The following KLHL23 variants were observed in gnomAD, a reference collection of about 807,000 sequenced individuals.
KLHL23 encodes the protein kelch-like protein 23.
KLHL23 carries 33 observed loss-of-function variants against 48.9 expected under a neutral mutation model. The observed-to-expected ratio is 0.67, with a 90% CI of 0.51 to 0.90. The LOEUF is 0.90. Among genes scored for constraint, KLHL23 ranks in the 40% least tolerant of loss-of-function variants. The pLI, the probability that KLHL23 is intolerant of heterozygous loss-of-function variation, is 0.00. For missense variants in KLHL23, 608 were observed against 669.6 expected (o/e 0.91, Z 1.02); for synonymous variants, 234 against 231.6 (o/e 1.01, Z -0.09).
intron 3 of KLHL23, among the ~76,000 whole-genome samples, chr2:169,745,439 G>A (rs1688772752): frequency 1.3e-5 from 2 of 149,110 alleles, no homozygotes; most frequent in South Asian, 4.2e-4. Flanking sequence ...TGTGAACCCG[G>A]GAGGCAGAGC....
At chr2:169,740,041 G>A (rs960080313) in intron 2 of KLHL23, among the ~76,000 whole-genome samples, 21 of 152,232 alleles carry the variant, frequency 1.4e-4, no homozygotes, top group Non-Finnish European at 2.6e-4. Flanking sequence ...AGGACTGGAA[G>A]TTGTTCTGGT....
Position 169,749,991 on chromosome 2 carries a change from GTATACATATATGTGTATATATA to G in KLHL23, c.*260_*281del. The G allele has an allele frequency of 1.1e-5, 2 of 177,458 alleles. No individual in the cohort carries two copies. The highest frequency in any genetic ancestry group is 3.1e-5 in the African/African-American group (1 of 32,674). The allele number at this position is 177,458 out of a possible 1,614,324, so 11.0% of individuals were successfully genotyped here. A position where few individuals can be genotyped will look rare whatever the true frequency, so the allele number is the denominator to read the frequency against. ...CATATATATGTGTATATATACGTATGTATACATATATGTGTATATATACGTATGTATGTATACATATGTGTAT... is the reference window on the plus strand; with the variant it reads ...CATATATATGTGTATATATACGTATGCGTATGTATGTATACATATGTGTAT... On this transcript the variant is annotated 3_prime_UTR_variant, in exon 4 of 4. Transcript: ENST00000392647.
chr2:169,746,424 C>T (rs1688794907), intron 3 of KLHL23, among the ~76,000 whole-genome samples: 3 of 152,190 alleles, frequency 2.0e-5, no homozygotes, highest in African/African-American at 7.2e-5. Context: ...TTTTATACTT[C>T]TGTGTAAACT....
rs370451096 is a variant in KLHL23 at position 169,736,230 on chromosome 2, A to G, written c.1213+3A>G. On this transcript the variant is annotated splice_donor_region_variant and intron_variant, in intron 2 of 3. Coordinates refer to ENST00000392647, the MANE Select transcript of KLHL23 (RefSeq NM_144711.6). Reference sequence around the variant, plus strand: ...TCCTATTGCAAACATGATTAAAGGTAAGTGGAGATTATGTTTATTTTGTAT... The same window carrying G: ...TCCTATTGCAAACATGATTAAAGGTGAGTGGAGATTATGTTTATTTTGTAT... 2.6e-4 allele frequency: 411 copies of G among 1,595,030 alleles called. No individual in the cohort carries two copies. Among genetic ancestry groups the G allele is most frequent in the Non-Finnish European group, 3.3e-4 (386 of 1,171,706 alleles).
rs1249471665 is a variant in KLHL23, at chr2:169,749,932, C to CATATATATATATATATATATATAT, written c.*201_*202insTATATATATATATATATATATATA. On this transcript the variant is annotated 3_prime_UTR_variant, in exon 4 of 4. Transcript: ENST00000392647. ...AAAATCTTATATATATATATATATA[C>CATATATATATATATATATATATAT]ACACACACATATATGTGTTCATATA... The CATATATATATATATATATATATAT allele has an allele frequency of 4.3e-5, 3 of 70,370 alleles. No individual in the cohort carries two copies. The highest frequency in any genetic ancestry group is 2.4e-4 in the African/African-American group (3 of 12,380). 4.4% of individuals were successfully genotyped at this position (70,370 alleles called of 1,614,324 possible). A position where few individuals can be genotyped will look rare whatever the true frequency, so the allele number is the denominator to read the frequency against.
rs1488831221 is a variant in KLHL23 at position 169,735,304 on chromosome 2, C to G, written c.290C>G (p.Thr97Ser). The G allele has an allele frequency of 6.2e-7, 1 of 1,613,568 alleles. No homozygotes were observed. Among genetic ancestry groups the G allele is most frequent in the Non-Finnish European group, 8.5e-7 (1 of 1,179,938 alleles). ...ILEGLVNYAY[T>S]SQIEITKRNV... is the part of the protein sequence containing the mutation. ...GAAGGCCTTGTAAATTATGCATACACTTCCCAAATTGAAATAACTAAAAGA... is the reference window on the plus strand; with the variant it reads ...GAAGGCCTTGTAAATTATGCATACAGTTCCCAAATTGAAATAACTAAAAGA... The change falls in exon 2 of 4, where the codon ACT becomes AGT. Residue 97 changes from threonine to serine, a missense_variant. Physicochemically the swap from Thr to Ser is moderately conservative, Grantham distance 58. Coordinates refer to ENST00000392647, the MANE Select transcript of KLHL23 (RefSeq NM_144711.6). The surrounding 1 kb of genome is among the most constrained non-coding windows in gnomAD (Gnocchi z 4.5).
chr2:169,749,682 C>A lies in KLHL23; in HGVS notation c.1627C>A (p.Leu543Ile), dbSNP rs771743270. 1 of 1,613,376 alleles carries A rather than the reference C, an allele frequency of 6.2e-7. No homozygotes were observed. Among genetic ancestry groups the A allele is most frequent in the Admixed American group, 1.7e-5 (1 of 59,994 alleles). ...DLNKWEIVGN[L>I]PSAMRSHGCV... ...TAATAAGTGGGAAATAGTGGGTAAT[C>A]TTCCCAGTGCCATGCGGTCTCATGG... Residue 543 changes from leucine to isoleucine, a missense_variant, in exon 4 of 4, where the codon CTT becomes ATT. Physicochemically the swap from Leu to Ile is conservative, Grantham distance 5. Transcript: ENST00000392647.
At chr2:169,745,539 A>AAG (rs1688778024) in intron 3 of KLHL23, among the ~76,000 whole-genome samples, 2 of 149,604 alleles carry the variant, frequency 1.3e-5, no homozygotes, top group South Asian at 2.1e-4. Context: ...AAAAAAAAAA[A>AAG]GGAAGAGAAC....
At position 169,750,050 on chromosome 2, in the gene KLHL23, A is replaced by ATACATATATGTGTATATATACGTTTGTG. The variant is rs1473551954; in HGVS notation, c.*319_*320insACATATATGTGTATATATACGTTTGTGT. Reference sequence around the variant, plus strand: ...ATACATATGTGTATATATAGTATGTATGTATACATGTATGTGTATATATAC... The same window carrying ATACATATATGTGTATATATACGTTTGTG: ...ATACATATGTGTATATATAGTATGTATACATATATGTGTATATATACGTTTGTGTGTATACATGTATGTGTATATATAC... On this transcript the variant is annotated 3_prime_UTR_variant, in exon 4 of 4. Coordinates refer to ENST00000392647, the MANE Select transcript of KLHL23 (RefSeq NM_144711.6). 1 of 141,104 alleles carries ATACATATATGTGTATATATACGTTTGTG rather than the reference A, an allele frequency of 7.1e-6. No homozygotes were observed. Among genetic ancestry groups the ATACATATATGTGTATATATACGTTTGTG allele is most frequent in the African/African-American group, 2.6e-5 (1 of 37,882 alleles). 8.7% of individuals were successfully genotyped at this position (141,104 alleles called of 1,614,324 possible).
intron 1 of KLHL23, among the ~76,000 whole-genome samples, chr2:169,734,532 G>T (rs1258371513): frequency 6.6e-6 from 1 of 152,208 alleles, no homozygotes; most frequent in Non-Finnish European, 1.5e-5. Context: ...AAGGGCTCGG[G>T]ATTTCCCTTT....
At chr2:169,742,890 A>G (rs1392085764) in intron 3 of KLHL23, among the ~76,000 whole-genome samples, 2 of 152,258 alleles carry the variant, frequency 1.3e-5, no homozygotes, top group Admixed American at 1.3e-4. Flanking sequence ...AGTGTGTGGC[A>G]GGCACAAACT....
chr2:169,735,588 C>A lies in KLHL23; in HGVS notation c.574C>A (p.Leu192Ile). The change falls in exon 2 of 4, where the codon CTC becomes ATC. Residue 192 changes from leucine (L) to isoleucine (I), a missense_variant. By Grantham distance (5) the Leu-to-Ile change is conservative. Transcript: ENST00000392647. This position sits in a 1 kb window ranked among gnomAD's most constrained non-coding sequence, Gnocchi z 4.5. ...TCTCTTTATCTTGTCCAGAAAGAATCTCAGTGTTTGGAAAGAAGAAGCTAT... is the reference window on the plus strand; with the variant it reads ...TCTCTTTATCTTGTCCAGAAAGAATATCAGTGTTTGGAAAGAAGAAGCTAT... ...KFLFILSRKN[L>I]SVWKEEAIIE... 6.2e-7 allele frequency: 1 copy of A among 1,613,846 alleles called. No homozygotes were observed. The highest frequency in any genetic ancestry group is 1.6e-4 in the Middle Eastern group (1 of 6,062).
chr2:169,741,307 A>T (rs2105649575), intron 2 of KLHL23, 78 bp from the exon 3 acceptor site: 1 of 1,521,176 alleles, frequency 6.6e-7, no homozygotes, highest in South Asian at 1.3e-5. Context: ...AACAAAAACA[A>T]CAATAAATTT....
At chr2:169,748,406 C>T (rs372427654) in intron 3 of KLHL23, among the ~76,000 whole-genome samples, 1 of 152,178 alleles carries the variant, frequency 6.6e-6, no homozygotes, top group African/African-American at 2.4e-5. Flanking sequence ...TCCTCCTCTT[C>T]CTTTGGGGCT....
Position 169,735,355 on chromosome 2 carries a change from C to T in KLHL23, c.341C>T (p.Ala114Val), listed in dbSNP as rs752643631. 6 of 1,612,572 alleles carry T rather than the reference C, an allele frequency of 3.7e-6. No homozygotes were observed. The South Asian group carries it at 5.5e-5, about 15-fold the overall frequency. Residue 114 changes from alanine to valine, a missense_variant, in exon 2 of 4, where the codon GCG (alanine) becomes GTG (valine). Ala to Val is a moderately conservative substitution (Grantham distance 64, BLOSUM62 0). This residue lies in a region of KLHL23 where 419 missense variants were observed against 473.1 expected (regional missense o/e 0.89). Coordinates refer to ENST00000392647, the MANE Select transcript of KLHL23 (RefSeq NM_144711.6). The surrounding 1 kb of genome is among the most constrained non-coding windows in gnomAD (Gnocchi z 4.5). ...AATGTTCAAAGCCTGCTTGAGGCAGCGGATCTGCTACAGTTCCTTTCAGTA... is the reference window on the plus strand; with the variant it reads ...AATGTTCAAAGCCTGCTTGAGGCAGTGGATCTGCTACAGTTCCTTTCAGTA... ...KRNVQSLLEA[A>V]DLLQFLSVKK...
Position 169,738,266 on chromosome 2 carries a change from A to G in KLHL23, c.1213+2039A>G, listed in dbSNP as rs545503486. Among the ~76,000 whole-genome samples the G allele has an allele frequency of 4.1e-5, 6 of 146,322 alleles. No homozygotes were observed. The South Asian group carries it at 1.1e-3, about 26-fold the overall frequency. On this transcript the variant is annotated intron_variant, in intron 2 of 3. Coordinates refer to ENST00000392647, the MANE Select transcript of KLHL23 (RefSeq NM_144711.6). ...TTTTTTAAACAATTTTTAAAATTTT[A>G]TTTTTAATTTTTAAAACTAGAAATG...
At position 169,751,493 on chromosome 2, in the gene KLHL23, A is replaced by G. The variant is rs945175679; in HGVS notation, c.*1761A>G. The G allele has an allele frequency of 6.6e-6, 1 of 152,248 alleles. No individual in the cohort carries two copies. Among genetic ancestry groups the G allele is most frequent in the African/African-American group, 2.4e-5 (1 of 41,474 alleles). 9.4% of individuals were successfully genotyped at this position (152,248 alleles called of 1,614,324 possible). ...CCTTTGCCCCATAAATTCTACTTCT[A>G]TACTTTTAACCTTAAAAATAATTCA... On this transcript the variant is annotated 3_prime_UTR_variant, in exon 4 of 4. Transcript: ENST00000392647.
At position 169,750,039 on chromosome 2, in the gene KLHL23, ATATAGTATGTATGTATACATGTATG is replaced by A; in HGVS notation, c.*309_*333del. ...CGTATGTATGTATACATATGTGTAT[ATATAGTATGTATGTATACATGTATG>A]TGTATATATACGTATGTATGTATAC... is the stretch of plus-strand genomic sequence containing the variant. On this transcript the variant is annotated 3_prime_UTR_variant, in exon 4 of 4. Transcript: ENST00000392647. The A allele has an allele frequency of 3.0e-5, 1 of 33,336 alleles. No homozygotes were observed. Among genetic ancestry groups the A allele is most frequent in the East Asian group, 6.5e-4 (1 of 1,532 alleles). The allele number at this position is 33,336 out of a possible 1,614,324, so 2.1% of individuals were successfully genotyped here. A position where few individuals can be genotyped will look rare whatever the true frequency, so the allele number is the denominator to read the frequency against.
chr2:169,738,834 CT>C (rs1688583561), intron 2 of KLHL23, among the ~76,000 whole-genome samples: 2 of 20,562 alleles, frequency 9.7e-5, no homozygotes, highest in Non-Finnish European at 9.1e-5. Context: ...TTTCCTCCCC[CT>C]CCTCCCCCTC....
Sources: gnomAD v4.1 joint callset for allele counts (sites outside exome capture counted in the v4.1 genomes callset) on GRCh38, gnomAD v4.1.1 for gene constraint, gnomAD v4.1.1 regional missense constraint, Gnocchi (gnomAD v3.1) non-coding constraint, MANE v1.5 for transcripts, NCBI Gene and HGNC (gene_info 2026-07-23, HGNC 2026-07-21) for gene names.